The following GPD2 variants were observed in gnomAD, a reference collection of about 807,000 sequenced individuals.
The protein encoded by GPD2 is glycerol-3-phosphate dehydrogenase 2.
GPD2 carries 54 observed loss-of-function variants against 82.4 expected under a neutral mutation model. The observed-to-expected ratio is 0.66, with a 90% CI of 0.53 to 0.82. GPD2 has a LOEUF of 0.82. Ranked by LOEUF, GPD2 falls within the 40% of genes least tolerant of loss-of-function variation. The pLI is 0.00. For synonymous variants in GPD2, 288 were observed against 306.1 expected (o/e 0.94, Z 0.62); for missense variants, 748 against 896.2 (o/e 0.83, Z 2.11).
At chr2:156,514,695 A>T (rs930127618) in intron 6 of GPD2, among the ~76,000 whole-genome samples, 1 of 152,118 alleles carries the variant, frequency 6.6e-6, no homozygotes, top group Non-Finnish European at 1.5e-5. Context: ...ATATTAGAAA[A>T]ATGTTAAGGG....
chr2:156,514,025 T>C (rs1685103857), intron 6 of GPD2, among the ~76,000 whole-genome samples: 1 of 152,222 alleles, frequency 6.6e-6, no homozygotes, highest in Non-Finnish European at 1.5e-5. Flanking sequence ...GAACATTGCA[T>C]CTGTTAAACT....
chr2:156,569,286 G>T, intron 10 of GPD2, 77 bp from the exon 11 acceptor site: 2 of 969,512 alleles, frequency 2.1e-6, no homozygotes, highest in South Asian at 1.3e-5. Flanking sequence ...TTTTGTTATT[G>T]GTAAGTTGAT....
chr2:156,480,846 T>C (rs990332885), intron 2 of GPD2, among the ~76,000 whole-genome samples: 4 of 150,818 alleles, frequency 2.7e-5, no homozygotes, highest in Non-Finnish European at 5.9e-5. Context: ...GGGCATGATC[T>C]CAGCTCATTG....
intron 1 of GPD2, among the ~76,000 whole-genome samples, chr2:156,452,545 G>A (rs1304065756): frequency 6.6e-6 from 1 of 152,208 alleles, no homozygotes; most frequent in Non-Finnish European, 1.5e-5. Flanking sequence ...AAGAGAGGGA[G>A]AGGGAGACCG....
intron 8 of GPD2, among the ~76,000 whole-genome samples, chr2:156,551,451 T>G (rs1443292787): frequency 6.6e-6 from 1 of 152,160 alleles, no homozygotes; most frequent in East Asian, 1.9e-4. Flanking sequence ...ATAACGTACA[T>G]TTTAAGGTAT....
At position 156,583,743 on chromosome 2, in the gene GPD2, T is replaced by A. The variant is rs1026206641; in HGVS notation, c.*825T>A. ...GCTCTTCTTACTTTAAAACCAGCATTTAAGTGGCAATTTGGATGTAATAGG... is the reference window on the plus strand; with the variant it reads ...GCTCTTCTTACTTTAAAACCAGCATATAAGTGGCAATTTGGATGTAATAGG... On this transcript the variant is annotated 3_prime_UTR_variant, in exon 17 of 17. Transcript: ENST00000438166. The A allele has an allele frequency of 6.6e-6, 1 of 152,514 alleles. No individual in the cohort carries two copies. Among genetic ancestry groups the A allele is most frequent in the African/African-American group, 2.4e-5 (1 of 41,426 alleles). 9.4% of individuals were successfully genotyped at this position (152,514 alleles called of 1,614,324 possible). A position where few individuals can be genotyped will look rare whatever the true frequency, so the allele number is the denominator to read the frequency against.
intron 6 of GPD2, among the ~76,000 whole-genome samples, chr2:156,529,311 T>G (rs1248257676): frequency 6.7e-5 from 10 of 148,714 alleles, no homozygotes; most frequent in East Asian, 4.0e-4. Flanking sequence ...TAAATTTGTT[T>G]GAGTTCATTG....
intron 8 of GPD2, among the ~76,000 whole-genome samples, chr2:156,553,081 G>T (rs1686824431): frequency 6.6e-6 from 1 of 151,706 alleles, no homozygotes; most frequent in Non-Finnish European, 1.5e-5. Flanking sequence ...TAGAGACAGG[G>T]TTTCACCATG....
At chr2:156,506,785 C>T (rs2105262283) in intron 3 of GPD2, among the ~76,000 whole-genome samples, 1 of 152,262 alleles carries the variant, frequency 6.6e-6, no homozygotes, top group East Asian at 1.9e-4. Flanking sequence ...TTAATCTTTT[C>T]TGAACCTTAA....
upstream of GPD2, among the ~76,000 whole-genome samples, chr2:156,434,023 G>T (rs982630010): frequency 2.6e-5 from 4 of 151,984 alleles, no homozygotes; most frequent in Non-Finnish European, 4.4e-5. Flanking sequence ...AAAAATATTG[G>T]TTTGATTTGT....
At chr2:156,417,306 T>C in the GPD2 span, among the ~76,000 whole-genome samples, 4 of 152,180 alleles carry the variant, frequency 2.6e-5, no homozygotes, top group African/African-American at 9.7e-5. Flanking sequence ...CTTTCCAAGG[T>C]GAGTGATCAA....
At chr2:156,554,566 G>A (rs905849308) in intron 8 of GPD2, among the ~76,000 whole-genome samples, 1 of 152,112 alleles carries the variant, frequency 6.6e-6, no homozygotes, top group Non-Finnish European at 1.5e-5. Context: ...AGCTTTTTAG[G>A]GGAAGAGGGG....
intron 1 of GPD2, among the ~76,000 whole-genome samples, chr2:156,453,435 A>G (rs1257951129): frequency 1.3e-5 from 2 of 152,112 alleles, no homozygotes; most frequent in Non-Finnish European, 2.9e-5. Flanking sequence ...GAAGAAAGAG[A>G]AGGTGGTGTT....
intron 8 of GPD2, among the ~76,000 whole-genome samples, chr2:156,556,132 A>G (rs1312492659): frequency 6.6e-6 from 1 of 152,156 alleles, no homozygotes; most frequent in African/African-American, 2.4e-5. Flanking sequence ...GGGATAAATC[A>G]TTTTTTAAAA....
chr2:156,574,172 A>C (rs1490103507), intron 13 of GPD2, among the ~76,000 whole-genome samples: 1 of 152,054 alleles, frequency 6.6e-6, no homozygotes, highest in Non-Finnish European at 1.5e-5. Flanking sequence ...GCAATGTCTT[A>C]GGGAGTTGGG....
chr2:156,407,464 G>GA, the GPD2 span, among the ~76,000 whole-genome samples: 1 of 151,916 alleles, frequency 6.6e-6, no homozygotes, highest in African/African-American at 2.4e-5. Flanking sequence ...CTTTTTAGTG[G>GA]CTCTATGTTC....
At chr2:156,470,789 A>G (rs1683302334) in intron 1 of GPD2, among the ~76,000 whole-genome samples, 1 of 152,212 alleles carries the variant, frequency 6.6e-6, no homozygotes, top group Non-Finnish European at 1.5e-5. Flanking sequence ...GACATCTAAG[A>G]ATTCATCTGA....
At chr2:156,550,564 C>CAG in intron 7 of GPD2, 38 bp from the exon 8 acceptor site, 1 of 1,607,298 alleles carries the variant, frequency 6.2e-7, no homozygotes, top group Non-Finnish European at 8.5e-7. Flanking sequence ...AACAGAGAAA[C>CAG]AAATGAGGTG....
the GPD2 span, among the ~76,000 whole-genome samples, chr2:156,418,740 T>C: frequency 6.6e-6 from 1 of 152,108 alleles, no homozygotes; most frequent in African/African-American, 2.4e-5. Flanking sequence ...ACAATCCTGG[T>C]GTACGTTATG....
Sources: allele counts gnomAD v4.1 joint callset (sites outside exome capture counted in the v4.1 genomes callset), GRCh38; gene constraint gnomAD v4.1.1; transcripts MANE v1.5; gene names NCBI Gene and HGNC (gene_info 2026-07-23, HGNC 2026-07-21).